CASP1: variants seen among roughly 807,000 people sequenced by gnomAD.
The protein encoded by CASP1 is caspase-1.
Under a neutral mutation model 41.2 loss-of-function variants are expected in CASP1, and 31 were observed. The ratio of observed to expected loss-of-function variants is 0.75; its 90% CI spans 0.57 to 1.02. The LOEUF is 1.02. Ranked by LOEUF, CASP1 falls within the 50% of genes least tolerant of loss-of-function variation. The pLI is 0.00. For missense variants in CASP1, 490 were observed against 495.7 expected, an observed-to-expected ratio of 0.99 and a Z score of 0.11; for synonymous variants, 163 against 166.5, an observed-to-expected ratio of 0.98 and a Z score of 0.16.
In CASP1 at chr11:105,033,145, T is replaced by C. The variant is rs1350813660; in HGVS notation, c.275-19A>G. ...GTTTGATCTATGAAAAGATAAAGGG[T>C]ATTGAAGTAGTCACTTATCATCTCT... On this transcript the variant is annotated intron_variant, in intron 2 of 8. Transcript: ENST00000533400. 6.9e-7 allele frequency: 1 copy of C among 1,448,656 alleles called. No individual in the cohort carries two copies. Among genetic ancestry groups the C allele is most frequent in the Non-Finnish European group, 9.6e-7 (1 of 1,036,668 alleles). 89.7% of individuals were successfully genotyped at this position (1,448,656 alleles called of 1,614,324 possible).
intron 7 of CASP1, among the ~76,000 whole-genome samples, chr11:105,028,203 T>C (rs1176508800): frequency 2.0e-5 from 3 of 152,132 alleles, no homozygotes; most frequent in Non-Finnish European, 4.4e-5. Context: ...CAGGGCATGT[T>C]CAACCCAATG....
In CASP1 at chr11:105,026,863, A is replaced by C. The variant is rs753413964; in HGVS notation, c.1095T>G (p.Asp365Glu). Residue 365 changes from aspartate (D) to glutamate (E), a missense_variant, in exon 8 of 9, where the codon GAT (aspartate) becomes GAG (glutamate). Physicochemically the swap from Asp to Glu is conservative, Grantham distance 45 (BLOSUM62 2). Coordinates refer to ENST00000533400, the MANE Select transcript of CASP1 (RefSeq NM_001257118.3). ...EHMQEYACSC[D>E]VEEIFRKVRF... ...TTACCTTGCGGAAAATTTCCTCCAC[A>C]TCACAGGAACAGGCATATTCTTGCA... The C allele has an allele frequency of 6.2e-7, 1 of 1,603,662 alleles. No homozygotes were observed. The highest frequency in any genetic ancestry group is 8.5e-7 in the Non-Finnish European group (1 of 1,170,744).
intron 8 of CASP1, 81 bp from the exon 9 acceptor site, chr11:105,026,437 C>G (rs1034112893): frequency 1.2e-6 from 1 of 849,640 alleles, no homozygotes. Context: ...TGCCAAAAAA[C>G]TACAACAAAT....
chr11:105,026,593 A>G (rs1182320351), intron 8 of CASP1: 5 of 600,776 alleles, frequency 8.3e-6, no homozygotes. Flanking sequence ...GGTAAATTAG[A>G]GTCCATTCAT....
intron 8 of CASP1, 130 bp from the exon 9 acceptor site, chr11:105,026,486 C>G (rs1038135270): frequency 1.6e-6 from 1 of 643,486 alleles, no homozygotes; most frequent in Non-Finnish European, 2.8e-6. Context: ...GTACTTCCAT[C>G]TGCAACAAGT....
At chr11:105,026,534 T>A (rs987378067) in intron 8 of CASP1, 178 bp from the exon 9 acceptor site, 18 of 602,906 alleles carry the variant, frequency 3.0e-5, no homozygotes, top group Non-Finnish European at 4.7e-5. Flanking sequence ...ATGACCCTCC[T>A]CAGGGCATTT....
Position 105,026,245 on chromosome 11 carries a change from C to A in CASP1, c.*13G>T. ...ATGTACCTGCCCACAGACATTCATACAGTTTCCTTATTTTAATGTCCTGGG... is the reference window on the plus strand; with the variant it reads ...ATGTACCTGCCCACAGACATTCATAAAGTTTCCTTATTTTAATGTCCTGGG... On this transcript the variant is annotated 3_prime_UTR_variant, in exon 9 of 9. Coordinates refer to ENST00000533400, the MANE Select transcript of CASP1 (RefSeq NM_001257118.3). The A allele has an allele frequency of 6.5e-7, 1 of 1,532,804 alleles. No homozygotes were observed. Among genetic ancestry groups the A allele is most frequent in the Non-Finnish European group, 9.0e-7 (1 of 1,106,598 alleles). The allele number at this position is 1,532,804 out of a possible 1,614,324, so 95.0% of individuals were successfully genotyped here.
chr11:105,034,588 C>G, intron 1 of CASP1, 114 bp from the exon 2 acceptor site: 1 of 1,517,884 alleles, frequency 6.6e-7, no homozygotes, highest in Non-Finnish European at 8.9e-7. Flanking sequence ...CCCCTCCTCA[C>G]AGTTGGGTAA....
intron 4 of CASP1, 83 bp downstream of exon 4, chr11:105,031,082 C>T (rs1863662780): frequency 1.3e-6 from 1 of 773,646 alleles, no homozygotes; most frequent in Admixed American, 1.9e-5. Context: ...ATGAGGTTGG[C>T]TCTAAGAATA....
In CASP1 at chr11:105,033,082, C is replaced by G; in HGVS notation, c.319G>C (p.Val107Leu). Residue 107 changes from valine to leucine, a missense_variant, in exon 3 of 9, where the codon GTA (valine) becomes CTA (leucine). Transcript: ENST00000533400. ...NYLNMQDSQG[V>L]LSSFPAPQAV... ...GCATTACCTGGAAAGGAAGAAAGTA[C>G]TCCTTGAGAGTCTTGCATATTAAGG... 2 of 1,587,232 alleles carry G rather than the reference C, an allele frequency of 1.3e-6. No homozygotes were observed. Among genetic ancestry groups the G allele is most frequent in the Non-Finnish European group, 1.7e-6 (2 of 1,157,252 alleles).
Position 105,025,590 on chromosome 11 carries a change from C to T in CASP1, c.*668G>A, listed in dbSNP as rs1227668791. ...ATTCCAAAAACCTTTACAGAAGGAT[C>T]TCTTCACTTCCTATGAGAAAAAGAA... On this transcript the variant is annotated 3_prime_UTR_variant, in exon 9 of 9. Coordinates refer to ENST00000533400, the MANE Select transcript of CASP1 (RefSeq NM_001257118.3). The T allele has an allele frequency of 1.2e-5, 5 of 412,734 alleles. No homozygotes were observed. The highest frequency in any genetic ancestry group is 2.4e-5 in the Non-Finnish European group (5 of 212,096). 25.6% of individuals were successfully genotyped at this position (412,734 alleles called of 1,614,324 possible). A position where few individuals can be genotyped will look rare whatever the true frequency, so the allele number is the denominator to read the frequency against.
At position 105,029,263 on chromosome 11, in the gene CASP1, G is replaced by A; in HGVS notation, c.867C>T (p.Ser289=). 1 of 1,610,534 alleles carries A rather than the reference G, an allele frequency of 6.2e-7. No individual in the cohort carries two copies. The highest frequency in any genetic ancestry group is 1.1e-5 in the South Asian group (1 of 90,534). The change falls in exon 7 of 9, where the codon AGC becomes AGT. Residue 289 remains serine, a synonymous_variant. Coordinates refer to ENST00000533400, the MANE Select transcript of CASP1 (RefSeq NM_001257118.3). ...VIIIQACRGD[S]PGVVWFKDSV... ...AATCTTTAAACCACACCACACCAGG[G>A]CTGTCTGGAAAGACACAGTTTGATT...
intron 2 of CASP1, among the ~76,000 whole-genome samples, chr11:105,033,708 A>G (rs1863837570): frequency 1.3e-5 from 2 of 152,250 alleles, no homozygotes; most frequent in South Asian, 4.1e-4. Context: ...TCACTTTTCT[A>G]TACGTTCAAT....
Position 105,028,329 on chromosome 11 carries a change from C to T in CASP1, c.1006+795G>A, listed in dbSNP as rs182546897. Among the ~76,000 whole-genome samples the T allele has an allele frequency of 6.2e-3, 946 of 152,120 alleles. 8 individuals carry two copies. The highest frequency in any genetic ancestry group is 0.027 in the Middle Eastern group (8 of 294). On this transcript the variant is annotated intron_variant, in intron 7 of 8. Coordinates refer to ENST00000533400, the MANE Select transcript of CASP1 (RefSeq NM_001257118.3). ...CAGAGGTGACCAAGAGAATGCAAGT[C>T]CTCTCAGGAAACTGCCAAAGGTGGT...
At chr11:105,030,044 C>A (rs904217390) in intron 5 of CASP1, 145 bp from the exon 6 acceptor site, 1 of 689,960 alleles carries the variant, frequency 1.4e-6, no homozygotes, top group Non-Finnish European at 2.4e-6. Context: ...GTCTTAGTTT[C>A]AAGAAAGGTG....
rs1388177572 is a variant in CASP1 at position 105,029,182 on chromosome 11, A to G, written c.948T>C (p.Asp316=). 1.9e-6 allele frequency: 3 copies of G among 1,613,264 alleles called. No individual in the cohort carries two copies. Among genetic ancestry groups the G allele is most frequent in the Non-Finnish European group, 2.5e-6 (3 of 1,179,550 alleles). ...TCTCTATGTGGGCTTTCTTAATAGC[A>G]TCATCCTCAAACTCTTCTGTAGTTG... ...SLPTTEEFED[D]AIKKAHIEKD... The change falls in exon 7 of 9, where the codon GAT becomes GAC. Residue 316 remains aspartate, a synonymous_variant. Coordinates refer to ENST00000533400, the MANE Select transcript of CASP1 (RefSeq NM_001257118.3).
At chr11:105,027,474 A>C (rs1281903897) in intron 7 of CASP1, among the ~76,000 whole-genome samples, 2 of 152,132 alleles carry the variant, frequency 1.3e-5, no homozygotes, top group African/African-American at 4.8e-5. Context: ...AGTATATTGG[A>C]GGAAAAAAGT....
intron 3 of CASP1, 139 bp downstream of exon 3, chr11:105,032,924 CA>C: frequency 1.6e-6 from 1 of 617,878 alleles, no homozygotes; most frequent in Non-Finnish European, 2.8e-6. Flanking sequence ...TCTACAAAAG[CA>C]GAATAGATTA....
intron 7 of CASP1, among the ~76,000 whole-genome samples, chr11:105,027,681 A>T (rs1863403388): frequency 6.6e-6 from 1 of 152,212 alleles, no homozygotes; most frequent in Admixed American, 6.6e-5. Context: ...TATTGATAAT[A>T]AAATTCTATT....
Sources: allele counts gnomAD v4.1 joint callset (sites outside exome capture counted in the v4.1 genomes callset), GRCh38; gene constraint gnomAD v4.1.1; transcripts MANE v1.5; gene names NCBI Gene and HGNC (gene_info 2026-07-23, HGNC 2026-07-21).